Variants in SPATA7 observed in about 807,000 individuals in gnomAD.
The protein encoded by SPATA7 is spermatogenesis associated 7.
SPATA7 carries 43 observed loss-of-function variants against 51.8 expected under a neutral mutation model. The observed-to-expected ratio is 0.83, with a 90% CI of 0.65 to 1.07. The LOEUF (loss-of-function observed/expected upper bound fraction) is 1.07. Among genes scored for constraint, SPATA7 ranks in the 50% least tolerant of loss-of-function variants. The pLI is 0.00. For missense variants in SPATA7, 683 were observed against 701.3 expected, an observed-to-expected ratio of 0.97 and a Z score of 0.30; for synonymous variants, 230 against 252.8, an observed-to-expected ratio of 0.91 and a Z score of 0.86.
chr14:88,394,773 C>G (rs1284349232), intron 3 of SPATA7, among the ~76,000 whole-genome samples: 1 of 152,150 alleles, frequency 6.6e-6, no homozygotes, highest in Non-Finnish European at 1.5e-5. Context: ...TCCATTACTT[C>G]TGCACCCTTA....
chr14:88,457,500 G>T (rs1165101441), downstream of SPATA7, among the ~76,000 whole-genome samples: 1 of 152,150 alleles, frequency 6.6e-6, no homozygotes, highest in South Asian at 2.1e-4. Context: ...GTGAATGGGA[G>T]TTCACTCATG....
intron 3 of SPATA7, among the ~76,000 whole-genome samples, chr14:88,447,821 C>G (rs199765800): frequency 1.3e-5 from 2 of 152,150 alleles, no homozygotes; most frequent in Non-Finnish European, 2.9e-5. Context: ...CCCCCACTCT[C>G]TTCTGGCTTG....
At chr14:88,398,112 A>G (rs1423945148) in intron 4 of SPATA7, among the ~76,000 whole-genome samples, 1 of 152,156 alleles carries the variant, frequency 6.6e-6, no homozygotes, top group Admixed American at 6.5e-5. Context: ...TCCTTTAAAA[A>G]TAGGCAAAAA....
intron 3 of SPATA7, among the ~76,000 whole-genome samples, chr14:88,446,517 T>C (rs1251029940): frequency 1.3e-5 from 2 of 151,298 alleles, no homozygotes; most frequent in African/African-American, 4.8e-5. Context: ...ATTTCTTGCC[T>C]TCTGCTAGCT....
intron 3 of SPATA7, among the ~76,000 whole-genome samples, chr14:88,453,171 C>T (rs1475970765): frequency 6.6e-6 from 1 of 152,172 alleles, no homozygotes; most frequent in Non-Finnish European, 1.5e-5. Flanking sequence ...TTTGGATACC[C>T]AGCTTGACAA....
chr14:88,426,039 A>G (rs779967916), intron 5 of SPATA7, among the ~76,000 whole-genome samples, 193 bp from the exon 6 acceptor site: 1 of 152,180 alleles, frequency 6.6e-6, no homozygotes, highest in Non-Finnish European at 1.5e-5. Context: ...TATTACTTAT[A>G]TTTGGAATTA....
At chr14:88,396,997 C>A (rs1440136349) in intron 4 of SPATA7, among the ~76,000 whole-genome samples, 1 of 151,920 alleles carries the variant, frequency 6.6e-6, no homozygotes, top group Non-Finnish European at 1.5e-5. Flanking sequence ...CTCAGCCTCC[C>A]AACAGCCTCC....
intron 10 of SPATA7, among the ~76,000 whole-genome samples, chr14:88,436,721 A>C (rs2077098551): frequency 6.6e-6 from 1 of 152,158 alleles, no homozygotes; most frequent in African/African-American, 2.4e-5. Flanking sequence ...CAACTTTGTC[A>C]AAAATGAGTT....
intron 4 of SPATA7, among the ~76,000 whole-genome samples, chr14:88,409,159 TC>T (rs931396693): frequency 6.6e-6 from 1 of 152,168 alleles, no homozygotes; most frequent in African/African-American, 2.4e-5. Context: ...TGGAATAGCT[TC>T]AAAAGGAATG....
At position 88,469,545 on chromosome 14, in the gene SPATA7, T is replaced by G. The variant is rs191058952; in HGVS notation, c.255-302T>G. 792 of 1,614,170 alleles carry G rather than the reference T, an allele frequency of 4.9e-4. 11 individuals are homozygous for G. The East Asian group carries it at 0.016, about 33-fold the overall frequency. ...CTGGACAGCCATGTTCAGGCCAGTC[T>G]GTGTATTGGAGGTGCCAGACGGTCC... On this transcript the variant is annotated intron_variant, in intron 4 of 4. Coordinates refer to the SPATA7 transcript ENST00000556406. This position sits in a 1 kb window ranked among gnomAD's most constrained non-coding sequence, Gnocchi z 4.3.
chr14:88,461,740 C>CA (rs57202485), intron 4 of SPATA7, among the ~76,000 whole-genome samples: 5,768 of 152,148 alleles, frequency 0.038, 357 homozygotes, highest in African/African-American at 0.13. Context: ...CGACAAGCCC[C>CA]GTGAGATGAA....
At chr14:88,431,288 CA>C in intron 9 of SPATA7, 63 bp downstream of exon 9, 2 of 1,440,752 alleles carry the variant, frequency 1.4e-6, no homozygotes, top group Non-Finnish European at 2.0e-6. Flanking sequence ...TCAAAGAAAC[CA>C]TATTAAATAA....
intron 4 of SPATA7, among the ~76,000 whole-genome samples, chr14:88,406,250 T>G (rs1566760336): frequency 6.6e-6 from 1 of 152,054 alleles, no homozygotes; most frequent in Non-Finnish European, 1.5e-5. Flanking sequence ...ATTTAATTTT[T>G]ATAGAAGTTT....
exon 5 of SPATA7, chr14:88,470,227 C>T: frequency 1.6e-6 from 1 of 623,050 alleles, no homozygotes; most frequent in Admixed American, 3.0e-5. Context: ...CTTGTGAATA[C>T]AATTTGCATT....
intron 3 of SPATA7, among the ~76,000 whole-genome samples, chr14:88,447,613 C>T (rs1173603288): frequency 2.6e-5 from 4 of 151,702 alleles, no homozygotes; most frequent in Admixed American, 2.0e-4. Flanking sequence ...GATTTTGCAG[C>T]GGCTGGTACC....
chr14:88,449,838 CTT>C (rs2077239332), intron 3 of SPATA7, among the ~76,000 whole-genome samples: 1 of 152,082 alleles, frequency 6.6e-6, no homozygotes, highest in African/African-American at 2.4e-5. Context: ...TAATACCCCT[CTT>C]TGTCATTTTT....
intron 3 of SPATA7, among the ~76,000 whole-genome samples, chr14:88,453,504 G>T (rs1405478082): frequency 6.6e-6 from 1 of 152,082 alleles, no homozygotes; most frequent in Admixed American, 6.5e-5. Flanking sequence ...CTAATTAGCT[G>T]TATGGTCACC....
Position 88,426,525 on chromosome 14 carries a change from T to A in SPATA7, c.666T>A (p.Ser222Arg). 1.9e-6 allele frequency: 3 copies of A among 1,614,188 alleles called. No homozygotes were observed. The South Asian group carries it at 3.3e-5, about 18-fold the overall frequency. ...RFQLVISKAP[S>R]GDLLDKHSEL... is the part of the protein sequence containing the mutation. Reference sequence around the variant, plus strand: ...AGTTAGTCATTTCGAAAGCACCCAGTGGGGATCTTTTGGATAAACATTCTG... The same window carrying A: ...AGTTAGTCATTTCGAAAGCACCCAGAGGGGATCTTTTGGATAAACATTCTG... Residue 222 changes from serine to arginine, a missense_variant, in exon 6 of 12, where the codon AGT becomes AGA. Ser to Arg is a moderately radical substitution (Grantham distance 110). Coordinates refer to ENST00000393545, the MANE Select transcript of SPATA7 (RefSeq NM_018418.5).
At position 88,470,129 on chromosome 14, in the gene SPATA7, CTAAAAAAGTTTTTT is replaced by C. The variant is rs554468385; in HGVS notation, c.*272_*285del. 1,198 of 1,441,374 alleles carry C rather than the reference CTAAAAAAGTTTTTT, an allele frequency of 8.3e-4. 18 individuals carry two copies. In the East Asian group the frequency reaches 0.024, roughly 29 times the overall value. The allele number at this position is 1,441,374 out of a possible 1,614,324, so 89.3% of individuals were successfully genotyped here. A position where few individuals can be genotyped will look rare whatever the true frequency, so the allele number is the denominator to read the frequency against. ...ATGTATGCATGCATTCATGGTAGTACTAAAAAAGTTTTTTTAAAAAAGTAAAAAGTAAAAAAGTA... is the reference window on the plus strand; with the variant it reads ...ATGTATGCATGCATTCATGGTAGTACTAAAAAAGTAAAAAGTAAAAAAGTA... On this transcript the variant is annotated 3_prime_UTR_variant, in exon 5 of 5. Coordinates refer to the SPATA7 transcript ENST00000556406.
Sources: gnomAD v4.1 joint callset for allele counts (sites outside exome capture counted in the v4.1 genomes callset) on GRCh38, gnomAD v4.1.1 for gene constraint, Gnocchi (gnomAD v3.1) non-coding constraint, MANE v1.5 for transcripts, NCBI Gene and HGNC (gene_info 2026-07-23, HGNC 2026-07-21) for gene names.